CACNB2: variants seen among roughly 807,000 people sequenced by gnomAD.
The protein encoded by CACNB2 is voltage-dependent L-type calcium channel subunit beta-2.
CACNB2 carries 42 observed loss-of-function variants against 73.3 expected under a neutral mutation model. The observed-to-expected ratio is 0.57, with a 90% CI of 0.45 to 0.74. The LOEUF (loss-of-function observed/expected upper bound fraction) is 0.74. Among genes scored for constraint, CACNB2 ranks in the 30% least tolerant of loss-of-function variants. The pLI, the probability that CACNB2 is intolerant of heterozygous loss-of-function variation, is 0.00. For synonymous variants in CACNB2, 348 were observed against 310.3 expected (o/e 1.12, Z -1.28); for missense variants, 940 against 853.0 (o/e 1.10, Z -1.27).
intron 3 of CACNB2, among the ~76,000 whole-genome samples, chr10:18,427,913 A>G (rs2045687774): frequency 6.6e-6 from 1 of 151,846 alleles, no homozygotes; most frequent in Non-Finnish European, 1.5e-5. Flanking sequence ...ATTTGGTTCT[A>G]ATTTCTTTTT....
intron 2 of CACNB2, among the ~76,000 whole-genome samples, chr10:18,255,619 T>C (rs955514760): frequency 5.3e-5 from 8 of 152,180 alleles, no homozygotes; most frequent in African/African-American, 1.9e-4. Flanking sequence ...TCAGTTGATA[T>C]TGTTGACTGA....
intron 1 of CACNB2, among the ~76,000 whole-genome samples, chr10:18,147,215 A>C (rs1042840676): frequency 6.6e-6 from 1 of 152,210 alleles, no homozygotes; most frequent in Non-Finnish European, 1.5e-5. Context: ...CGTGTCAAGG[A>C]AGATGGATAT....
intron 10 of CACNB2, chr10:18,532,943 T>C (rs917579579): frequency 6.6e-6 from 1 of 152,012 alleles, no homozygotes; most frequent in Non-Finnish European, 1.5e-5. Context: ...TCATGTAGTT[T>C]GGGCCCTGAT....
At chr10:18,385,500 G>A (rs1056170058) in intron 2 of CACNB2, among the ~76,000 whole-genome samples, 2 of 150,196 alleles carry the variant, frequency 1.3e-5, no homozygotes, top group African/African-American at 4.9e-5. Flanking sequence ...GGTGGTGTGT[G>A]CCTCTAATCC....
chr10:18,239,542 C>T (rs2036571056), intron 2 of CACNB2, among the ~76,000 whole-genome samples: 1 of 152,144 alleles, frequency 6.6e-6, no homozygotes, highest in South Asian at 2.1e-4. Flanking sequence ...TAGATATATA[C>T]ACCCCACACA....
chr10:18,184,616 G>A (rs2034055037), intron 2 of CACNB2, among the ~76,000 whole-genome samples: 1 of 138,030 alleles, frequency 7.2e-6, no homozygotes, highest in South Asian at 2.3e-4. Context: ...GTCTTTTTAG[G>A]CTTCACTTGC....
chr10:18,285,455 G>C (rs1431897154), intron 2 of CACNB2, among the ~76,000 whole-genome samples: 1 of 152,216 alleles, frequency 6.6e-6, no homozygotes, highest in African/African-American at 2.4e-5. Flanking sequence ...AGCACTGTCT[G>C]CCACTTGGGT....
chr10:18,302,329 A>G (rs1316613503), intron 2 of CACNB2, among the ~76,000 whole-genome samples: 1 of 152,192 alleles, frequency 6.6e-6, no homozygotes, highest in Non-Finnish European at 1.5e-5. Context: ...GATCTGCAGC[A>G]TAGCAGCAGC....
chr10:18,355,741 A>G (rs578118666), intron 2 of CACNB2, among the ~76,000 whole-genome samples: 6 of 151,190 alleles, frequency 4.0e-5, no homozygotes, highest in Middle Eastern at 3.4e-3. Flanking sequence ...GGTTCAAGCA[A>G]TTCTCTGCCT....
chr10:18,204,735 A>T (rs1380747345), intron 2 of CACNB2, among the ~76,000 whole-genome samples: 1 of 152,216 alleles, frequency 6.6e-6, no homozygotes, highest in African/African-American at 2.4e-5. Flanking sequence ...ACCGTTATAC[A>T]TTCAGAACTT....
At chr10:18,168,119 TCTC>T (rs2032984460) in intron 2 of CACNB2, among the ~76,000 whole-genome samples, 1 of 152,132 alleles carries the variant, frequency 6.6e-6, no homozygotes. Flanking sequence ...CCTTTTTACT[TCTC>T]CTGCAAAAGC....
intron 2 of CACNB2, chr10:18,260,864 A>G: frequency 1.8e-6 from 2 of 1,094,484 alleles, no homozygotes; most frequent in Non-Finnish European, 2.2e-6. Context: ...AATGCAAGAC[A>G]CTCAGATGTT....
At chr10:18,170,228 C>A (rs1314355668) in intron 2 of CACNB2, among the ~76,000 whole-genome samples, 1 of 152,156 alleles carries the variant, frequency 6.6e-6, no homozygotes, top group Non-Finnish European at 1.5e-5. Flanking sequence ...TCTCAGAGGG[C>A]TATTTCTGGA....
intron 2 of CACNB2, among the ~76,000 whole-genome samples, chr10:18,220,713 T>G (rs1425446617): frequency 6.6e-6 from 1 of 152,154 alleles, no homozygotes; most frequent in African/African-American, 2.4e-5. Flanking sequence ...CACCTCCTGT[T>G]AGATCAGCAG....
At chr10:18,521,277 A>C (rs1220610712) in intron 9 of CACNB2, among the ~76,000 whole-genome samples, 1 of 152,208 alleles carries the variant, frequency 6.6e-6, no homozygotes, top group East Asian at 1.9e-4. Context: ...GGACATCCAC[A>C]CCTGGAAGAA....
chr10:18,516,135 A>C (rs776321266), intron 7 of CACNB2, among the ~76,000 whole-genome samples: 1 of 152,136 alleles, frequency 6.6e-6, no homozygotes, highest in Non-Finnish European at 1.5e-5. Flanking sequence ...GAATTGCTTA[A>C]ACCCGGAAGG....
intron 1 of CACNB2, among the ~76,000 whole-genome samples, chr10:18,142,489 G>C (rs1330243115): frequency 6.6e-6 from 1 of 152,118 alleles, no homozygotes; most frequent in African/African-American, 2.4e-5. Flanking sequence ...TGTACCCGGA[G>C]ACCTCGGTTA....
chr10:18,213,700 G>T (rs896088417), intron 2 of CACNB2, among the ~76,000 whole-genome samples: 1 of 152,234 alleles, frequency 6.6e-6, no homozygotes, highest in South Asian at 2.1e-4. Context: ...TGAAATTGCT[G>T]TGGAGTATGG....
At chr10:18,251,148 G>T (rs765080371) in intron 2 of CACNB2, among the ~76,000 whole-genome samples, 1 of 152,186 alleles carries the variant, frequency 6.6e-6, no homozygotes, top group Non-Finnish European at 1.5e-5. Context: ...CTAAAACTCC[G>T]GTTGGGAGCT....
Sources: allele counts gnomAD v4.1 joint callset (sites outside exome capture counted in the v4.1 genomes callset), GRCh38; gene constraint gnomAD v4.1.1; transcripts MANE v1.5; gene names NCBI Gene and HGNC (gene_info 2026-07-23, HGNC 2026-07-21).